NUP188: variants seen among roughly 807,000 people sequenced by gnomAD.
The protein encoded by NUP188 is nucleoporin 188, also known as nucleoporin NUP188.
In NUP188, 97 loss-of-function variants were observed where a neutral mutation model predicts 223.0. The observed-to-expected ratio is 0.43, with a 90% CI of 0.37 to 0.51. The LOEUF (loss-of-function observed/expected upper bound fraction) is 0.51. Ranked by LOEUF, NUP188 falls within the 20% of genes least tolerant of loss-of-function variation. The pLI, the probability that NUP188 is intolerant of heterozygous loss-of-function variation, is 0.00. For synonymous variants in NUP188, 869 were observed against 828.0 expected (o/e 1.05, Z -0.85); for missense variants, 1,947 against 2,175.6 (o/e 0.89, Z 2.09).
At chr9:128,998,961 A>AT (rs2131187271) in intron 32 of NUP188, among the ~76,000 whole-genome samples, 1 of 149,630 alleles carries the variant, frequency 6.7e-6, no homozygotes, top group East Asian at 2.0e-4. Context: ...GGTTCAAGTG[A>AT]TTCTCGTGCC....
At chr9:128,986,151 G>A (rs551177783) in intron 20 of NUP188, among the ~76,000 whole-genome samples, 1 of 152,290 alleles carries the variant, frequency 6.6e-6, no homozygotes, top group South Asian at 2.1e-4. Context: ...ATATCATTGG[G>A]TATCAGATTT....
intron 12 of NUP188, among the ~76,000 whole-genome samples, chr9:128,977,496 C>A (rs1842192586): frequency 6.6e-6 from 1 of 152,088 alleles, no homozygotes; most frequent in Non-Finnish European, 1.5e-5. Flanking sequence ...GTGCTAAGCG[C>A]TAAGGATAAA....
In NUP188 at chr9:129,001,659, G is replaced by A. The variant is rs41316500; in HGVS notation, c.3974G>A (p.Arg1325His). 6.0e-3 allele frequency: 9,670 copies of A among 1,613,956 alleles called. 29 individuals are homozygous for A. The highest frequency in any genetic ancestry group is 6.9e-3 in the Non-Finnish European group (8,140 of 1,179,962). ...TLLTTLEVSL[R>H]MKQNLHFTEA... ...CTCACCACTCTAGAGGTGAGCCTTC[G>A]CATGAAGCAGAACCTGCATTTCACT... Residue 1325 changes from arginine (R) to histidine (H), a missense_variant, in exon 35 of 44, where the codon CGC (arginine) becomes CAC (histidine). Arg to His is a conservative substitution (Grantham distance 29, BLOSUM62 0). This residue lies in a region of NUP188 where 905 missense variants were observed against 990.6 expected (regional missense o/e 0.91). Transcript: ENST00000372577.
At chr9:128,996,449 C>T (rs1842527675) in intron 30 of NUP188, among the ~76,000 whole-genome samples, 1 of 152,162 alleles carries the variant, frequency 6.6e-6, no homozygotes. Flanking sequence ...CACGCTTGGC[C>T]CAGATTAATC....
chr9:128,999,831 C>T (rs771949206), intron 34 of NUP188, 26 bp downstream of exon 34: 26 of 1,607,588 alleles, frequency 1.6e-5, no homozygotes, highest in East Asian at 8.9e-5. Flanking sequence ...AGAAGGCCAT[C>T]CGTCCTTTCC....
Position 128,982,536 on chromosome 9 carries a change from C to T in NUP188, c.1517-13C>T. 6.2e-7 allele frequency: 1 copy of T among 1,600,170 alleles called. No homozygotes were observed. The highest frequency in any genetic ancestry group is 8.5e-7 in the Non-Finnish European group (1 of 1,174,644). On this transcript the variant is annotated splice_polypyrimidine_tract_variant and intron_variant, in intron 15 of 43. Coordinates refer to ENST00000372577, the MANE Select transcript of NUP188 (RefSeq NM_015354.3). ...ATCCTCAGATATTAGACTAATTTAT[C>T]TTTCTCTCTCAGGGGGTCAAACCAA... is the stretch of plus-strand genomic sequence containing the variant.
At chr9:128,949,520 TG>T (rs1286017983) in intron 2 of NUP188, among the ~76,000 whole-genome samples, 1 of 151,630 alleles carries the variant, frequency 6.6e-6, no homozygotes, top group East Asian at 1.9e-4. Context: ...TTAGTAGAGA[TG>T]GGGTTTTTCC....
rs776635589 is a variant in NUP188, at chr9:129,006,719, A to C, written c.*41A>C. ...CCCACCTACCCCTCTCCACCAGCCT[A>C]CACTGCACCCTGGCTGGCAGGGGTG... is the stretch of plus-strand genomic sequence containing the variant. On this transcript the variant is annotated 3_prime_UTR_variant, in exon 44 of 44. Coordinates refer to ENST00000372577, the MANE Select transcript of NUP188 (RefSeq NM_015354.3). The C allele has an allele frequency of 3.8e-6, 6 of 1,568,616 alleles. No individual in the cohort carries two copies. The African/African-American group carries it at 8.2e-5, about 21-fold the overall frequency.
chr9:128,968,796 G>A, intron 9 of NUP188, 79 bp downstream of exon 9: 3 of 1,110,984 alleles, frequency 2.7e-6, no homozygotes, highest in Non-Finnish European at 1.3e-6. Flanking sequence ...GCAGGTAGGG[G>A]GTAGGTGTAC....
Position 128,953,564 on chromosome 9 carries a change from C to A in NUP188, c.161+718C>A, listed in dbSNP as rs17452365. On this transcript the variant is annotated intron_variant, in intron 3 of 43. Transcript: ENST00000372577. ...CGATGAACTTTTCCTTGTTATTCAT[C>A]TGTCTGTTAATTCTTCCCCTGTAAT... 2.4e-3 allele frequency among the ~76,000 whole-genome samples: 373 copies of A among 152,288 alleles called. 7 individuals are homozygous for A. In the East Asian group the frequency reaches 0.042, roughly 17 times the overall value.
intron 36 of NUP188, 87 bp downstream of exon 36, chr9:129,002,063 G>A: frequency 9.1e-7 from 1 of 1,096,016 alleles, no homozygotes; most frequent in South Asian, 1.3e-5. Context: ...TTCCCCGGAA[G>A]TTGCTTTCCT....
chr9:128,982,828 C>T (rs2131166858), intron 16 of NUP188, 74 bp from the exon 17 acceptor site: 1 of 1,596,312 alleles, frequency 6.3e-7, no homozygotes, highest in East Asian at 2.2e-5. Flanking sequence ...ATTTGTGTAT[C>T]TGGGTCTCAG....
intron 9 of NUP188, among the ~76,000 whole-genome samples, chr9:128,969,091 C>G (rs144841544): frequency 6.6e-6 from 1 of 152,222 alleles, no homozygotes; most frequent in African/African-American, 2.4e-5. Flanking sequence ...CTTGTTTTTT[C>G]TCTATTTATG....
At chr9:129,001,289 G>A (rs1842660500) in intron 34 of NUP188, among the ~76,000 whole-genome samples, 1 of 152,068 alleles carries the variant, frequency 6.6e-6, no homozygotes, top group Non-Finnish European at 1.5e-5. Context: ...GGGAAGAGGC[G>A]GGGGTAGCTC....
chr9:128,990,735 G>A (rs1488035465), intron 25 of NUP188, among the ~76,000 whole-genome samples: 2 of 152,238 alleles, frequency 1.3e-5, no homozygotes, highest in Admixed American at 1.3e-4. Flanking sequence ...CATTATGGCA[G>A]GCGCCTGTAG....
chr9:129,001,214 G>A (rs1044393893), intron 34 of NUP188, among the ~76,000 whole-genome samples: 1 of 151,990 alleles, frequency 6.6e-6, no homozygotes, highest in African/African-American at 2.4e-5. Context: ...TGGCAGAGTT[G>A]GTTGGAGTGT....
At position 128,978,865 on chromosome 9, in the gene NUP188, C is replaced by T. The variant is rs188943463; in HGVS notation, c.1204-397C>T. Reference sequence around the variant, plus strand: ...GCTGGGATTATAAGGTGTGCGCCACCACACCTGGCTAACTTTCGTATTTTT... The same window carrying T: ...GCTGGGATTATAAGGTGTGCGCCACTACACCTGGCTAACTTTCGTATTTTT... On this transcript the variant is annotated intron_variant, in intron 12 of 43. Transcript: ENST00000372577. 2.0e-5 allele frequency among the ~76,000 whole-genome samples: 3 copies of T among 152,120 alleles called. No individual in the cohort carries two copies. The East Asian group carries it at 5.8e-4, about 30-fold the overall frequency.
chr9:129,001,941 A>C lies in NUP188; in HGVS notation c.4102A>C (p.Ser1368Arg). 6.2e-7 allele frequency: 1 copy of C among 1,614,070 alleles called. No individual in the cohort carries two copies. Among genetic ancestry groups the C allele is most frequent in the African/African-American group, 1.3e-5 (1 of 75,002 alleles). ...CCAGAGCATTTGTTTGCCCCTTCTG[A>C]GTGTGTACCAGCTGAGCACCAACGG... The part of the protein sequence containing the change: ...ITQSICLPLL[S>R]VYQLSTNGTA... Residue 1368 changes from serine (S) to arginine (R), a missense_variant, in exon 36 of 44, where the codon AGT (serine) becomes CGT (arginine). Physicochemically the swap from Ser to Arg is moderately radical, Grantham distance 110. Transcript: ENST00000372577.
chr9:129,003,339 T>C lies in NUP188; in HGVS notation c.4319T>C (p.Val1440Ala), dbSNP rs768753979. The change falls in exon 38 of 44, where the codon GTG (valine) becomes GCG (alanine). Residue 1440 changes from valine to alanine, a missense_variant. Coordinates refer to ENST00000372577, the MANE Select transcript of NUP188 (RefSeq NM_015354.3). ...CAGTGCCTCAACGCAGTGAGGACAGTGCAGAGTCTGGCCTGCCTGGAGGAG... is the reference window on the plus strand; with the variant it reads ...CAGTGCCTCAACGCAGTGAGGACAGCGCAGAGTCTGGCCTGCCTGGAGGAG... ...TLQCLNAVRTVQSLACLEEAD... is the reference protein window; with the variant it reads ...TLQCLNAVRTAQSLACLEEAD... 3 of 1,612,116 alleles carry C rather than the reference T, an allele frequency of 1.9e-6. No individual in the cohort carries two copies. In the South Asian group the frequency reaches 3.3e-5, roughly 18 times the overall value.
Sources: gnomAD v4.1 joint callset for allele counts (sites outside exome capture counted in the v4.1 genomes callset) on GRCh38, gnomAD v4.1.1 for gene constraint, gnomAD v4.1.1 regional missense constraint, MANE v1.5 for transcripts, NCBI Gene and HGNC (gene_info 2026-07-23, HGNC 2026-07-21) for gene names.